Variants in SLIT3 observed in about 807,000 individuals in gnomAD.
SLIT3 encodes slit guidance ligand 3.
Under a neutral mutation model 184.0 loss-of-function variants are expected in SLIT3, and 68 were observed. The observed-to-expected ratio is 0.37, with a 90% CI of 0.30 to 0.45. The LOEUF is 0.45. SLIT3 is among the 20% of genes least tolerant of loss of function. The pLI, the probability that SLIT3 is intolerant of heterozygous loss-of-function variation, is 1.00. For synonymous variants in SLIT3, 831 were observed against 828.6 expected, an observed-to-expected ratio of 1.00 and a Z score of -0.05; for missense variants, 1,707 against 2,026.0, an observed-to-expected ratio of 0.84 and a Z score of 3.02.
chr5:169,189,180 A>G (rs1045821353), intron 4 of SLIT3, among the ~76,000 whole-genome samples: 1 of 152,136 alleles, frequency 6.6e-6, no homozygotes, highest in Non-Finnish European at 1.5e-5. Context: ...CATGAGTCGG[A>G]TGGCACTGGC....
intron 1 of SLIT3, among the ~76,000 whole-genome samples, chr5:169,291,944 A>G (rs1458958502): frequency 1.3e-5 from 2 of 152,220 alleles, no homozygotes; most frequent in Admixed American, 1.3e-4. Context: ...TTCAAATAGG[A>G]AATGACTCCA....
At chr5:168,776,277 C>T (rs1017839664) in intron 12 of SLIT3, among the ~76,000 whole-genome samples, 1 of 152,196 alleles carries the variant, frequency 6.6e-6, no homozygotes, top group Admixed American at 6.5e-5. Context: ...TGCAGGCAAG[C>T]AGCTGTGGCA....
chr5:169,293,244 C>G (rs369946866), intron 1 of SLIT3, among the ~76,000 whole-genome samples: 1 of 152,076 alleles, frequency 6.6e-6, no homozygotes, highest in African/African-American at 2.4e-5. Flanking sequence ...TAAGTCCAAT[C>G]CCCACACAAA....
At chr5:168,840,773 C>T (rs979441182) in intron 6 of SLIT3, among the ~76,000 whole-genome samples, 1 of 152,150 alleles carries the variant, frequency 6.6e-6, no homozygotes, top group Non-Finnish European at 1.5e-5. Flanking sequence ...ACCTTAAATG[C>T]CACAAAGTTG....
chr5:168,718,128 C>T (rs1471441893), intron 23 of SLIT3: 2 of 150,188 alleles, frequency 1.3e-5, no homozygotes, highest in East Asian at 3.9e-4. Context: ...CCTTCTGGCT[C>T]AGCAGAAGAA....
intron 6 of SLIT3, among the ~76,000 whole-genome samples, chr5:168,835,569 G>A (rs1427223723): frequency 1.3e-5 from 2 of 151,936 alleles, no homozygotes; most frequent in Non-Finnish European, 2.9e-5. Flanking sequence ...AGCGCTTTGG[G>A]AGGCCGAGGT....
chr5:168,940,243 A>G (rs1251535562), intron 4 of SLIT3, among the ~76,000 whole-genome samples: 3 of 152,232 alleles, frequency 2.0e-5, no homozygotes, highest in African/African-American at 7.2e-5. Flanking sequence ...CCAGGGCTTA[A>G]GAACAAGTAT....
chr5:169,178,958 T>C (rs1330447927), intron 4 of SLIT3, among the ~76,000 whole-genome samples: 1 of 152,070 alleles, frequency 6.6e-6, no homozygotes, highest in Admixed American at 6.5e-5. Flanking sequence ...GATTGAATGA[T>C]GGTAGGTTTG....
At chr5:169,206,727 G>C (rs1356260251) in intron 3 of SLIT3, among the ~76,000 whole-genome samples, 2 of 152,040 alleles carry the variant, frequency 1.3e-5, no homozygotes, top group Non-Finnish European at 2.9e-5. Context: ...TGTTTATCTA[G>C]GCATTTACAT....
At position 169,058,088 on chromosome 5, in the gene SLIT3, C is replaced by T. The variant is rs1042770459; in HGVS notation, c.413+135391G>A. Among the ~76,000 whole-genome samples, 56 of 152,238 alleles carry T rather than the reference C, an allele frequency of 3.7e-4. 1 individual carries two copies. The highest frequency in any genetic ancestry group is 1.6e-3 in the Admixed American group (24 of 15,288). On this transcript the variant is annotated intron_variant, in intron 4 of 35. Coordinates refer to ENST00000519560, the MANE Select transcript of SLIT3 (RefSeq NM_003062.4). ...GAATTTCCTACAGTGTCAAATGAGA[C>T]GAGCGCTATTGCAGATGCAGGGACT...
chr5:169,242,541 T>C (rs535139598), intron 3 of SLIT3, among the ~76,000 whole-genome samples: 16 of 152,290 alleles, frequency 1.1e-4, no homozygotes, highest in Non-Finnish European at 1.8e-4. Flanking sequence ...CCTGGCTTGA[T>C]GCAGACAAAC....
At chr5:169,233,302 C>T (rs1320859801) in intron 3 of SLIT3, among the ~76,000 whole-genome samples, 2 of 152,144 alleles carry the variant, frequency 1.3e-5, no homozygotes, top group South Asian at 2.1e-4. Flanking sequence ...GGATTATAGG[C>T]GTGAGCCACC....
At chr5:169,048,862 C>A (rs1341929299) in intron 4 of SLIT3, among the ~76,000 whole-genome samples, 1 of 152,086 alleles carries the variant, frequency 6.6e-6, no homozygotes, top group African/African-American at 2.4e-5. Context: ...TGGAAAAATT[C>A]CCCACTTAAT....
intron 4 of SLIT3, among the ~76,000 whole-genome samples, chr5:169,050,621 G>A (rs1757782320): frequency 6.6e-6 from 1 of 152,112 alleles, no homozygotes; most frequent in African/African-American, 2.4e-5. Flanking sequence ...CAAATAAAAT[G>A]CCAATTAATG....
intron 3 of SLIT3, among the ~76,000 whole-genome samples, chr5:169,225,562 G>A (rs1764776785): frequency 6.6e-6 from 1 of 152,254 alleles, no homozygotes; most frequent in African/African-American, 2.4e-5. Flanking sequence ...TAAGGAGAGA[G>A]AGAGATGCCA....
At chr5:169,045,690 A>G (rs1472891341) in intron 4 of SLIT3, among the ~76,000 whole-genome samples, 1 of 152,208 alleles carries the variant, frequency 6.6e-6, no homozygotes, top group Non-Finnish European at 1.5e-5. Flanking sequence ...CCAAAGTCAA[A>G]CAGCTTGTAA....
At chr5:169,039,584 T>G (rs752547171) in intron 4 of SLIT3, among the ~76,000 whole-genome samples, 9 of 152,182 alleles carry the variant, frequency 5.9e-5, no homozygotes, top group Non-Finnish European at 1.3e-4. Flanking sequence ...CCCAAAGTGC[T>G]GGGATTACAG....
intron 4 of SLIT3, among the ~76,000 whole-genome samples, chr5:168,884,517 G>A (rs1760100860): frequency 2.5e-5 from 2 of 79,040 alleles, no homozygotes; most frequent in African/African-American, 8.9e-5. Flanking sequence ...AAAAAAAAAC[G>A]TTGCAGATCT....
intron 3 of SLIT3, among the ~76,000 whole-genome samples, chr5:169,209,515 T>C (rs1210876095): frequency 6.6e-6 from 1 of 152,166 alleles, no homozygotes; most frequent in Non-Finnish European, 1.5e-5. Flanking sequence ...TGCAGCACTA[T>C]TCACAATAGC....
Sources: allele counts gnomAD v4.1 joint callset (sites outside exome capture counted in the v4.1 genomes callset), GRCh38; gene constraint gnomAD v4.1.1; transcripts MANE v1.5; gene names NCBI Gene and HGNC (gene_info 2026-07-23, HGNC 2026-07-21).